Variants in IWS1 observed in about 807,000 individuals in gnomAD.
IWS1 encodes interacts with SUPT6H, CTD assembly factor 1.
In IWS1, 27 loss-of-function variants were observed where a neutral mutation model predicts 86.7. The ratio of observed to expected loss-of-function variants is 0.31; its 90% CI spans 0.23 to 0.43. IWS1 has a LOEUF of 0.43. IWS1 is among the 20% of genes least tolerant of loss of function. The pLI is 1.00. For synonymous variants in IWS1, 313 were observed against 335.1 expected, an observed-to-expected ratio of 0.93 and a Z score of 0.72; for missense variants, 827 against 1,000.8, an observed-to-expected ratio of 0.83 and a Z score of 2.34.
chr2:127,496,550 T>TACACACACACAC (rs36048775), intron 6 of IWS1, among the ~76,000 whole-genome samples: 7,992 of 140,250 alleles, frequency 0.057, 284 homozygotes, highest in Admixed American at 0.099. Flanking sequence ...TATTTTATCA[T>TACACACACACAC]ACACACACAC....
At chr2:127,524,527 A>T (rs946403773) in intron 1 of IWS1, among the ~76,000 whole-genome samples, 4 of 151,268 alleles carry the variant, frequency 2.6e-5, no homozygotes, top group African/African-American at 9.7e-5. Context: ...ATATACATGT[A>T]TTACATATAA....
intron 6 of IWS1, 25 bp from the exon 7 acceptor site, chr2:127,496,173 G>A: frequency 6.3e-7 from 1 of 1,592,388 alleles, no homozygotes. Context: ...AAAAGCAAGT[G>A]AAATACAAGT....
Position 127,505,038 on chromosome 2 carries a change from A to C in IWS1, c.865T>G (p.Ser289Ala), listed in dbSNP as rs2104702840. The C allele has an allele frequency of 6.2e-7, 1 of 1,612,296 alleles. No homozygotes were observed. Among genetic ancestry groups the C allele is most frequent in the Non-Finnish European group, 8.5e-7 (1 of 1,179,500 alleles). ...EDPPRNQASD[S>A]ENEELPKPRV... is the part of the protein sequence containing the mutation. ...GGTTTGGGTAGCTCCTCATTTTCCG[A>C]ATCACTGGCCTGGTTCCTTGGGGGA... The change falls in exon 3 of 14, where the codon TCG becomes GCG. Residue 289 changes from serine to alanine, a missense_variant. Physicochemically the swap from Ser to Ala is moderately conservative, Grantham distance 99. This residue lies in a region of IWS1 where 548 missense variants were observed against 560.2 expected (regional missense o/e 0.98). Coordinates refer to ENST00000295321, the MANE Select transcript of IWS1 (RefSeq NM_017969.3). This position sits in a 1 kb window ranked among gnomAD's most constrained non-coding sequence, Gnocchi z 5.0.
intron 10 of IWS1, 98 bp from the exon 11 acceptor site, chr2:127,490,041 T>C: frequency 1.4e-6 from 1 of 725,368 alleles, no homozygotes; most frequent in Non-Finnish European, 2.5e-6. Context: ...TCTAGACATT[T>C]AGAATATTCT....
chr2:127,490,070 A>G (rs2104663470), intron 10 of IWS1, 127 bp from the exon 11 acceptor site: 1 of 650,176 alleles, frequency 1.5e-6, no homozygotes, highest in East Asian at 2.6e-5. Context: ...AGAGTCCATT[A>G]TTTCAGAGTA....
Position 127,498,220 on chromosome 2 carries a change from A to T in IWS1, c.1485T>A (p.Asp495Glu). 6.2e-7 allele frequency: 1 copy of T among 1,600,204 alleles called. No homozygotes were observed. Among genetic ancestry groups the T allele is most frequent in the East Asian group, 2.2e-5 (1 of 44,656 alleles). ...EEEFTGFNQE[D>E]LEEEKGETQV... ...GTGTTTCACCTTTTTCTTCTTCCAG[A>T]TCTTCTTGGTTAAAACCCTAAATGC... is the stretch of plus-strand genomic sequence containing the variant. Residue 495 changes from aspartate (D) to glutamate (E), a missense_variant, in exon 6 of 14, where the codon GAT becomes GAA. Around this residue, in one of 2 missense-constraint regions of IWS1, gnomAD observed 279 missense variants for 440.6 expected, o/e 0.63. Transcript: ENST00000295321.
At chr2:127,511,760 C>T (rs1028811462) in intron 2 of IWS1, among the ~76,000 whole-genome samples, 3 of 152,118 alleles carry the variant, frequency 2.0e-5, no homozygotes, top group Non-Finnish European at 4.4e-5. Context: ...ATAATGTTTG[C>T]ATTAAACATT....
chr2:127,515,039 G>T (rs1319124966), intron 2 of IWS1: 1 of 152,226 alleles, frequency 6.6e-6, no homozygotes, highest in Non-Finnish European at 1.5e-5. Flanking sequence ...AATATTCTTT[G>T]AAAGCAATTC....
In IWS1 at chr2:127,505,787, C is replaced by T; in HGVS notation, c.151-35G>A. The T allele has an allele frequency of 1.1e-6, 1 of 880,140 alleles. No individual in the cohort carries two copies. The highest frequency in any genetic ancestry group is 1.6e-6 in the Non-Finnish European group (1 of 629,552). 54.5% of individuals were successfully genotyped at this position (880,140 alleles called of 1,614,324 possible). ...AAAGTGAGAAAAAATTAGGAAAGTG[C>T]AAAAAAAAAAAAACCATTAATAATA... is the stretch of plus-strand genomic sequence containing the variant. On this transcript the variant is annotated intron_variant, in intron 2 of 13. Coordinates refer to ENST00000295321, the MANE Select transcript of IWS1 (RefSeq NM_017969.3). This position sits in a 1 kb window ranked among gnomAD's most constrained non-coding sequence, Gnocchi z 5.0.
chr2:127,493,107 T>C (rs748321595), intron 9 of IWS1, 174 bp downstream of exon 9: 1 of 498,940 alleles, frequency 2.0e-6, no homozygotes, highest in East Asian at 3.6e-5. Context: ...CATGAAGTTT[T>C]ATAAGGTCTT....
chr2:127,496,136 CAGAA>C lies in IWS1; in HGVS notation c.1574_1577del (p.Phe525CysfsTer6). The C allele has an allele frequency of 6.2e-7, 1 of 1,613,114 alleles. No homozygotes were observed. Among genetic ancestry groups the C allele is most frequent in the Non-Finnish European group, 8.5e-7 (1 of 1,179,656 alleles). ...GCTGCAACATCATCTCAAAATCTGA[CAGAA>C]AGTCCATACTAAAGCAGTAAACAAA... is the stretch of plus-strand genomic sequence containing the variant. On this transcript the variant is annotated frameshift_variant, in exon 7 of 14. Transcript: ENST00000295321. LOFTEE classifies it high-confidence loss of function.
chr2:127,515,081 C>T (rs148348090), intron 2 of IWS1: 1 of 152,346 alleles, frequency 6.6e-6, no homozygotes, highest in East Asian at 1.9e-4. Flanking sequence ...TATAAATGTT[C>T]TATTTACAGT....
chr2:127,483,600 T>TG (rs1558736829), intron 13 of IWS1, among the ~76,000 whole-genome samples: 10 of 5,876 alleles, frequency 1.7e-3, no homozygotes, highest in East Asian at 0.013. Context: ...GTGGGGGGGT[T>TG]GGGCTGTGTG....
chr2:127,492,534 A>C lies in IWS1; in HGVS notation c.1930-446T>G, dbSNP rs549823400. Among the ~76,000 whole-genome samples, 6 of 121,854 alleles carry C rather than the reference A, an allele frequency of 4.9e-5. No individual in the cohort carries two copies. In the South Asian group the frequency reaches 1.8e-3, roughly 36 times the overall value. 79.9% of individuals were successfully genotyped at this position (121,854 alleles called of 152,430 possible). ...GCACTCCAGCCTGGGCACCAGAAGC[A>C]AAACTCCGTCTCAAAAAAAAAAAAA... On this transcript the variant is annotated intron_variant, in intron 9 of 13. Coordinates refer to ENST00000295321, the MANE Select transcript of IWS1 (RefSeq NM_017969.3).
At chr2:127,483,709 A>G (rs1314736564) in intron 13 of IWS1, among the ~76,000 whole-genome samples, 2 of 151,380 alleles carry the variant, frequency 1.3e-5, no homozygotes, top group African/African-American at 4.9e-5. Flanking sequence ...AGCTCACTGC[A>G]GCCTCAAACT....
At position 127,505,463 on chromosome 2, in the gene IWS1, T is replaced by A; in HGVS notation, c.440A>T (p.Glu147Val). 1 of 1,614,178 alleles carries A rather than the reference T, an allele frequency of 6.2e-7. No individual in the cohort carries two copies. Among genetic ancestry groups the A allele is most frequent in the East Asian group, 2.2e-5 (1 of 44,886 alleles). The part of the protein sequence containing the change: ...ELLNGHASDS[E>V]NEDVGKHPAS... ...GGGATGCTTCCCAACATCTTCGTTT[T>A]CTGAGTCACTTGCATGCCCATTAAG... The change falls in exon 3 of 14, where the codon GAA becomes GTA. Residue 147 changes from glutamate to valine, a missense_variant. Around this residue, in one of 2 missense-constraint regions of IWS1, gnomAD observed 548 missense variants for 560.2 expected, o/e 0.98. Transcript: ENST00000295321. The surrounding 1 kb of genome is among the most constrained non-coding windows in gnomAD (Gnocchi z 5.0).
chr2:127,521,204 A>C (rs1392081337), intron 2 of IWS1, among the ~76,000 whole-genome samples: 1 of 152,244 alleles, frequency 6.6e-6, no homozygotes, highest in East Asian at 1.9e-4. Flanking sequence ...GTGAGCCAAG[A>C]TCATGCCACT....
Position 127,526,448 on chromosome 2 carries a change from G to A in IWS1, c.-240C>T, listed in dbSNP as rs1445013033. 6 of 1,534,294 alleles carry A rather than the reference G, an allele frequency of 3.9e-6. No individual in the cohort carries two copies. Among genetic ancestry groups the A allele is most frequent in the Admixed American group, 3.9e-5 (2 of 50,662 alleles). On this transcript the variant is annotated 5_prime_UTR_variant, in exon 1 of 14. In the 5' UTR this introduces an upstream ATG that the reference lacks. Coordinates refer to ENST00000295321, the MANE Select transcript of IWS1 (RefSeq NM_017969.3). The stretch of plus-strand genomic sequence containing the variant: ...CGGGCGGGCAGGCATGCGAGCCGGC[G>A]TTCTACTTCCTAGAAGCACCGCTGG...
chr2:127,483,462 A>AT (rs1267523431), intron 13 of IWS1, among the ~76,000 whole-genome samples: 1 of 146,480 alleles, frequency 6.8e-6, no homozygotes, highest in Non-Finnish European at 1.5e-5. Flanking sequence ...AAAATACATA[A>AT]TAAAAAAAAA....
Sources: allele counts gnomAD v4.1 joint callset (sites outside exome capture counted in the v4.1 genomes callset), GRCh38; gene constraint gnomAD v4.1.1; regional missense constraint gnomAD v4.1.1; non-coding constraint Gnocchi (gnomAD v3.1); transcripts MANE v1.5; gene names NCBI Gene and HGNC (gene_info 2026-07-23, HGNC 2026-07-21).